The following MUC7 variants were observed in gnomAD, a reference collection of about 807,000 sequenced individuals.
The protein encoded by MUC7 is mucin-7.
In MUC7, 2 loss-of-function variants were observed where a neutral mutation model predicts 2.5. That is an observed-to-expected ratio of 0.81 (90% CI 0.33 to 2.55). The LOEUF (loss-of-function observed/expected upper bound fraction) is 2.55, where lower values mean the gene tolerates loss of function less well. MUC7 is among the 30% of genes most tolerant of loss of function. The pLI is 0.11. For synonymous variants in MUC7, 133 were observed against 173.4 expected (o/e 0.77, Z 1.83); for missense variants, 408 against 455.6 (o/e 0.90, Z 0.95).
chr4:70,444,784 G>A (rs1734087896), intron 1 of MUC7, among the ~76,000 whole-genome samples: 1 of 152,144 alleles, frequency 6.6e-6, no homozygotes, highest in South Asian at 2.1e-4. Context: ...AGGTGCGGTG[G>A]CTCACACCTG....
intron 2 of MUC7, among the ~76,000 whole-genome samples, chr4:70,474,563 CTAGGTAGG>C (rs35293664): frequency 3.3e-5 from 5 of 151,330 alleles, no homozygotes; most frequent in Non-Finnish European, 7.4e-5. Context: ...GGTAGATAGA[CTAGGTAGG>C]TAGGTAGGTA....
chr4:70,461,282 G>A (rs190040934), intron 1 of MUC7, among the ~76,000 whole-genome samples: 156 of 152,240 alleles, frequency 1.0e-3, no homozygotes, highest in African/African-American at 2.7e-3. Context: ...TTGAACCTGC[G>A]TCAGATCACA....
chr4:70,481,574 C>T lies in MUC7; in HGVS notation c.830C>T (p.Pro277Leu), dbSNP rs750289514. Residue 277 changes from proline (P) to leucine (L), a missense_variant, in exon 3 of 3, where the codon CCA (proline) becomes CTA (leucine). By Grantham distance (98) the Pro-to-Leu change is moderately conservative (BLOSUM62 -3). Transcript: ENST00000304887. ...CTAGACCCATCATCCGCCTCAGCTC[C>T]ACCAGAGACCACAGCTGCCCCACCC... ...TTLDPSSASA[P>L]PETTAAPPTP... is the part of the protein sequence containing the mutation. 3.7e-6 allele frequency: 6 copies of T among 1,612,850 alleles called. No homozygotes were observed. The highest frequency in any genetic ancestry group is 4.2e-6 in the Non-Finnish European group (5 of 1,179,898).
intron 2 of MUC7, among the ~76,000 whole-genome samples, chr4:70,479,635 G>A (rs1203176701): frequency 6.6e-6 from 1 of 152,128 alleles, no homozygotes; most frequent in Non-Finnish European, 1.5e-5. Flanking sequence ...TTGAATACAG[G>A]GAAGAGGGAT....
upstream of MUC7, among the ~76,000 whole-genome samples, chr4:70,468,227 C>T (rs1423942887): frequency 6.6e-6 from 1 of 152,124 alleles, no homozygotes; most frequent in Admixed American, 6.5e-5. Context: ...TAAAAACTCT[C>T]AATAAACTAG....
chr4:70,482,991 C>A lies in MUC7; in HGVS notation c.*1113C>A, dbSNP rs562421323. On this transcript the variant is annotated 3_prime_UTR_variant, in exon 3 of 3. Coordinates refer to ENST00000304887, the MANE Select transcript of MUC7 (RefSeq NM_152291.3). Reference sequence around the variant, plus strand: ...GCTAACTAATAAAGATTTCAAATGGCAATTTATATTCATTGTGTGTATCTG... The same window carrying A: ...GCTAACTAATAAAGATTTCAAATGGAAATTTATATTCATTGTGTGTATCTG... 4 of 152,176 alleles carry A rather than the reference C, an allele frequency of 2.6e-5. No homozygotes were observed. The highest frequency in any genetic ancestry group is 6.6e-5 in the Admixed American group (1 of 15,260). 9.4% of individuals were successfully genotyped at this position (152,176 alleles called of 1,614,324 possible).
chr4:70,441,658 T>C (rs1734008733), intron 1 of MUC7, among the ~76,000 whole-genome samples: 1 of 152,232 alleles, frequency 6.6e-6, no homozygotes, highest in Non-Finnish European at 1.5e-5. Context: ...TTGAGAAGGA[T>C]GGATTTGCAG....
chr4:70,455,394 A>C (rs1010827125), intron 1 of MUC7, among the ~76,000 whole-genome samples: 1 of 152,200 alleles, frequency 6.6e-6, no homozygotes, highest in Admixed American at 6.5e-5. Context: ...GCCATATATC[A>C]AGCTAGAATG....
At chr4:70,431,805 T>G (rs1560541628) in intron 1 of MUC7, among the ~76,000 whole-genome samples, 1 of 152,122 alleles carries the variant, frequency 6.6e-6, no homozygotes, top group Non-Finnish European at 1.5e-5. Context: ...CGCGCAGGTT[T>G]CTTACATATG....
chr4:70,444,644 T>C (rs984202156), intron 1 of MUC7, among the ~76,000 whole-genome samples: 3 of 152,208 alleles, frequency 2.0e-5, no homozygotes, highest in African/African-American at 4.8e-5. Context: ...AACCATATTT[T>C]CAACATCTAT....
intron 1 of MUC7, among the ~76,000 whole-genome samples, chr4:70,434,691 C>G (rs528031131): frequency 1.3e-5 from 2 of 152,062 alleles, no homozygotes; most frequent in South Asian, 4.2e-4. Context: ...TTTTGAAGGG[C>G]TTTTTGTGTC....
chr4:70,474,087 C>A lies in MUC7; in HGVS notation c.54+12C>A. On this transcript the variant is annotated intron_variant, in intron 2 of 2. Coordinates refer to ENST00000304887, the MANE Select transcript of MUC7 (RefSeq NM_152291.3). ...GTGCTTGCTTCTCGGTAAGTATTCA[C>A]CCAAATAAGTTTTTTCCTTAACTAT... 1 of 1,610,438 alleles carries A rather than the reference C, an allele frequency of 6.2e-7. No individual in the cohort carries two copies. The highest frequency in any genetic ancestry group is 8.5e-7 in the Non-Finnish European group (1 of 1,177,502).
At chr4:70,470,584 G>T (rs1468793993), upstream of MUC7, among the ~76,000 whole-genome samples, 3 of 151,980 alleles carry the variant, frequency 2.0e-5, no homozygotes, top group Non-Finnish European at 4.4e-5. Flanking sequence ...GACAATTTTT[G>T]AAATTCTATC....
Position 70,474,006 on chromosome 4 carries a change from G to A in MUC7, c.-15-1G>A, listed in dbSNP as rs2306949. 0.16 allele frequency: 262,438 copies of A among 1,601,096 alleles called. 23,406 individuals are homozygous for A. The highest frequency in any genetic ancestry group is 0.27 in the African/African-American group (20,388 of 74,410). ...GTACGCCACATTTCTGCTTTTCCCA[G>A]GAGACATCAGAAAGAATGAAAACTC... On this transcript the variant is annotated splice_acceptor_variant, in intron 1 of 2. Transcript: ENST00000304887. LOFTEE classifies it low-confidence loss of function (5UTR_SPLICE).
chr4:70,452,596 G>A (rs564793099), intron 1 of MUC7, among the ~76,000 whole-genome samples: 8 of 151,710 alleles, frequency 5.3e-5, no homozygotes, highest in Admixed American at 2.6e-4. Context: ...TTTCGTCTTC[G>A]CACTTTTAAC....
Position 70,456,343 on chromosome 4 carries a change from G to C in MUC7, c.-92-15872G>C, listed in dbSNP as rs1172420412. Among the ~76,000 whole-genome samples the C allele has an allele frequency of 3.3e-5, 5 of 152,112 alleles. No homozygotes were observed. The East Asian group carries it at 7.7e-4, about 23-fold the overall frequency. On this transcript the variant is annotated intron_variant, in intron 1 of 3. Coordinates refer to the MUC7 transcript ENST00000413702. ...GATAATAAGCATGTCAAAAATGAAG[G>C]AAATGGAAAAAGGACACAAGTATTA...
intron 1 of MUC7, among the ~76,000 whole-genome samples, chr4:70,444,727 TCTA>T (rs1213114872): frequency 6.6e-6 from 1 of 152,210 alleles, no homozygotes; most frequent in East Asian, 1.9e-4. Context: ...TGGTACTTAT[TCTA>T]CTACTATCAG....
At chr4:70,455,537 A>G (rs1392953239) in intron 1 of MUC7, among the ~76,000 whole-genome samples, 4 of 152,176 alleles carry the variant, frequency 2.6e-5, no homozygotes, top group African/African-American at 9.7e-5. Flanking sequence ...TATGCATTTC[A>G]GTGTGAGCTG....
intron 1 of MUC7, among the ~76,000 whole-genome samples, chr4:70,430,838 C>T (rs1309342837): frequency 6.6e-6 from 1 of 152,040 alleles, no homozygotes; most frequent in Non-Finnish European, 1.5e-5. Context: ...GTTAGTAATG[C>T]TATTTTATTT....
Sources: gnomAD v4.1 joint callset for allele counts (sites outside exome capture counted in the v4.1 genomes callset) on GRCh38, gnomAD v4.1.1 for gene constraint, MANE v1.5 for transcripts, NCBI Gene and HGNC (gene_info 2026-07-23, HGNC 2026-07-21) for gene names.